The following RAP1GDS1 variants were observed in gnomAD, a reference collection of about 807,000 sequenced individuals.
RAP1GDS1 encodes the protein RAP1, GTP-GDP dissociation stimulator 1.
In RAP1GDS1, 35 loss-of-function variants were observed where a neutral mutation model predicts 71.1. The ratio of observed to expected loss-of-function variants is 0.49; its 90% CI spans 0.38 to 0.65. RAP1GDS1 has a LOEUF of 0.65. Among genes scored for constraint, RAP1GDS1 ranks in the 30% least tolerant of loss-of-function variants. The probability of loss-of-function intolerance (pLI) is 0.00; values close to 1 mark genes in which losing one functional copy is unlikely to be tolerated. For synonymous variants in RAP1GDS1, 229 were observed against 243.1 expected (o/e 0.94, Z 0.54); for missense variants, 663 against 706.1 (o/e 0.94, Z 0.69).
intron 7 of RAP1GDS1, chr4:98,409,767 G>T: frequency 2.2e-6 from 1 of 458,000 alleles, no homozygotes; most frequent in South Asian, 1.8e-5. Context: ...GGCATAATAG[G>T]TGTTTTCAAG....
In RAP1GDS1 at chr4:98,340,385, T is replaced by A. The variant is rs1196838911; in HGVS notation, c.113-2754T>A. ...GCAGCAACATGGATGAAGCTGTAGG[T>A]CATTATCCTAAGCAAACTAACACAG... On this transcript the variant is annotated intron_variant, in intron 2 of 14. Coordinates refer to ENST00000408927, the MANE Select transcript of RAP1GDS1 (RefSeq NM_001100427.2). Among the ~76,000 whole-genome samples, 10 of 152,062 alleles carry A rather than the reference T, an allele frequency of 6.6e-5. 1 individual carries two copies. The highest frequency in any genetic ancestry group is 4.6e-4 in the Admixed American group (7 of 15,256).
intron 12 of RAP1GDS1, among the ~76,000 whole-genome samples, chr4:98,421,866 A>G (rs183221388): frequency 2.6e-5 from 4 of 152,276 alleles, no homozygotes; most frequent in Admixed American, 1.3e-4. Flanking sequence ...TCAGCAGCTG[A>G]TTTAGTATCT....
Position 98,404,458 on chromosome 4 carries a change from T to C in RAP1GDS1, c.638-19T>C, listed in dbSNP as rs1261495648. ...TTCTGGACTTTATTTGGTTTAAGTT[T>C]TTCTTTTTTATTTTACAGAGTCAAG... is the stretch of plus-strand genomic sequence containing the variant. On this transcript the variant is annotated intron_variant, in intron 6 of 14. Coordinates refer to ENST00000408927, the MANE Select transcript of RAP1GDS1 (RefSeq NM_001100427.2). 1.3e-6 allele frequency: 2 copies of C among 1,562,224 alleles called. No individual in the cohort carries two copies. The highest frequency in any genetic ancestry group is 1.7e-6 in the Non-Finnish European group (2 of 1,163,278).
chr4:98,328,454 A>C (rs2110360380), intron 2 of RAP1GDS1, among the ~76,000 whole-genome samples: 1 of 152,328 alleles, frequency 6.6e-6, no homozygotes, highest in East Asian at 1.9e-4. Flanking sequence ...TAGTTAGGGC[A>C]TCGGGTGGTT....
chr4:98,370,559 G>T (rs1374186448), intron 4 of RAP1GDS1, among the ~76,000 whole-genome samples: 3 of 149,418 alleles, frequency 2.0e-5, no homozygotes, highest in Non-Finnish European at 4.4e-5. Context: ...TAAAAAAATT[G>T]CATTAAAGCT....
intron 2 of RAP1GDS1, among the ~76,000 whole-genome samples, chr4:98,332,913 T>G (rs1429063763): frequency 1.3e-5 from 2 of 152,178 alleles, no homozygotes; most frequent in Non-Finnish European, 2.9e-5. Context: ...ACAATTTCTT[T>G]CCTAAATTCA....
intron 1 of RAP1GDS1, among the ~76,000 whole-genome samples, chr4:98,271,824 G>T (rs1723502099): frequency 6.6e-6 from 1 of 152,074 alleles, no homozygotes; most frequent in South Asian, 2.1e-4. Flanking sequence ...TATGAAGTAG[G>T]TGACACTGTC....
chr4:98,280,702 G>A (rs927146455), intron 1 of RAP1GDS1, among the ~76,000 whole-genome samples: 1 of 151,978 alleles, frequency 6.6e-6, no homozygotes, highest in African/African-American at 2.4e-5. Flanking sequence ...TGTCCTGAAT[G>A]GTATTGTCTC....
rs770172872 is a variant in RAP1GDS1 at position 98,388,524 on chromosome 4, G to A, written c.509-3428G>A. ...ATGGATCGCCTGAGGTCAGGAGTTC[G>A]AGACCAACCTGTCCAACATGGTGAA... On this transcript the variant is annotated intron_variant, in intron 5 of 14. Transcript: ENST00000408927. Among the ~76,000 whole-genome samples, 6 of 152,160 alleles carry A rather than the reference G, an allele frequency of 3.9e-5. No individual in the cohort carries two copies. In the East Asian group the frequency reaches 5.8e-4, roughly 15 times the overall value.
rs558688720 is a variant in RAP1GDS1, at chr4:98,432,187, C to G, written c.1441-1749C>G. Among the ~76,000 whole-genome samples, 10 of 152,256 alleles carry G rather than the reference C, an allele frequency of 6.6e-5. No individual in the cohort carries two copies. The South Asian group carries it at 2.1e-3, about 32-fold the overall frequency. ...CCGGAAAAGTGAGATGAAAGTATAC[C>G]TGGCCAAAGAGAGGACACTGTTCAT... is the stretch of plus-strand genomic sequence containing the variant. On this transcript the variant is annotated intron_variant, in intron 12 of 14. Coordinates refer to ENST00000408927, the MANE Select transcript of RAP1GDS1 (RefSeq NM_001100427.2).
chr4:98,441,052 G>A (rs565611698), intron 14 of RAP1GDS1, among the ~76,000 whole-genome samples: 9 of 152,184 alleles, frequency 5.9e-5, no homozygotes, highest in African/African-American at 2.2e-4. Context: ...TTTGTAGTAA[G>A]TTTTGATATC....
chr4:98,313,865 C>G (rs1007219230), intron 2 of RAP1GDS1, among the ~76,000 whole-genome samples: 1 of 152,004 alleles, frequency 6.6e-6, no homozygotes, highest in Non-Finnish European at 1.5e-5. Context: ...GTAAGAATCA[C>G]GATCATGTCC....
chr4:98,440,071 A>G (rs771803291), intron 14 of RAP1GDS1, among the ~76,000 whole-genome samples: 4 of 152,168 alleles, frequency 2.6e-5, no homozygotes, highest in Non-Finnish European at 5.9e-5. Flanking sequence ...GTCACCACAT[A>G]TATGTGGAAT....
At position 98,442,299 on chromosome 4, in the gene RAP1GDS1, A is replaced by C. The variant is rs1484569304; in HGVS notation, c.*182A>C. The C allele has an allele frequency of 1.1e-5, 9 of 814,400 alleles. No homozygotes were observed. The highest frequency in any genetic ancestry group is 5.9e-5 in the East Asian group (2 of 33,706). 50.4% of individuals were successfully genotyped at this position (814,400 alleles called of 1,614,324 possible). A position where few individuals can be genotyped will look rare whatever the true frequency, so the allele number is the denominator to read the frequency against. On this transcript the variant is annotated 3_prime_UTR_variant, in exon 15 of 15. Transcript: ENST00000408927. ...TTCTAAACCTATAGTTAGTGTGATC[A>C]TGACTTTGTCAAAGGCAAGTCTCCA...
chr4:98,438,072 T>C (rs1399034221), intron 14 of RAP1GDS1, among the ~76,000 whole-genome samples: 1 of 152,082 alleles, frequency 6.6e-6, no homozygotes, highest in Non-Finnish European at 1.5e-5. Flanking sequence ...TTCTGTCAAT[T>C]TTTGCTTAAC....
intron 7 of RAP1GDS1, among the ~76,000 whole-genome samples, chr4:98,413,638 G>GT (rs1747448816): frequency 6.6e-6 from 1 of 151,682 alleles, no homozygotes; most frequent in Admixed American, 6.6e-5. Flanking sequence ...ATTTGGGTTG[G>GT]TTCCAAGTCT....
chr4:98,437,691 G>A (rs946349160), intron 14 of RAP1GDS1, among the ~76,000 whole-genome samples: 3 of 151,996 alleles, frequency 2.0e-5, no homozygotes, highest in South Asian at 2.1e-4. Flanking sequence ...TACTCAGAAG[G>A]CTGAGGCAAG....
At chr4:98,289,946 T>TA (rs1726684113) in intron 1 of RAP1GDS1, among the ~76,000 whole-genome samples, 1 of 152,010 alleles carries the variant, frequency 6.6e-6, no homozygotes. Context: ...GCTTTCAAAG[T>TA]AAAGCTTTGT....
intron 7 of RAP1GDS1, among the ~76,000 whole-genome samples, chr4:98,407,178 T>A (rs1448469615): frequency 6.6e-6 from 1 of 152,166 alleles, no homozygotes; most frequent in Non-Finnish European, 1.5e-5. Context: ...TCTTTTGTAT[T>A]TCTGTGGTAG....
Sources: gnomAD v4.1 joint callset for allele counts (sites outside exome capture counted in the v4.1 genomes callset) on GRCh38, gnomAD v4.1.1 for gene constraint, MANE v1.5 for transcripts, NCBI Gene and HGNC (gene_info 2026-07-23, HGNC 2026-07-21) for gene names.